The following NAV1 variants were observed in gnomAD, a reference collection of about 807,000 sequenced individuals.
NAV1 encodes neuron navigator 1.
A neutral mutation model predicts 175.2 loss-of-function variants in NAV1; 18 were observed. The observed-to-expected ratio is 0.10, with a 90% CI of 0.07 to 0.15. NAV1 has a LOEUF of 0.15. Among genes scored for constraint, NAV1 ranks in the 10% least tolerant of loss-of-function variants. The pLI, the probability that NAV1 is intolerant of heterozygous loss-of-function variation, is 1.00. For synonymous variants in NAV1, 897 were observed against 978.7 expected, an observed-to-expected ratio of 0.92 and a Z score of 1.56; for missense variants, 1,731 against 2,436.6, an observed-to-expected ratio of 0.71 and a Z score of 6.10.
intron 17 of NAV1, among the ~76,000 whole-genome samples, chr1:201,806,762 T>G (rs1678312154): frequency 1.3e-5 from 2 of 152,212 alleles, no homozygotes; most frequent in Admixed American, 1.3e-4. Flanking sequence ...GCCAGCCAGC[T>G]GCACACATAC....
chr1:201,653,986 C>T (rs1270593659), intron 1 of NAV1, among the ~76,000 whole-genome samples: 1 of 152,220 alleles, frequency 6.6e-6, no homozygotes, highest in African/African-American at 2.4e-5. Context: ...GGGCCCCCAC[C>T]CAGGTCATGT....
At chr1:201,648,964 A>G in exon 1 of NAV1, 1 of 1,612,998 alleles carries the variant, frequency 6.2e-7, no homozygotes, top group Non-Finnish European at 8.5e-7. Context: ...TTTCTCACGG[A>G]CTCCGAGAAA....
At chr1:201,697,257 A>G (rs1456395268) in intron 1 of NAV1, among the ~76,000 whole-genome samples, 3 of 152,110 alleles carry the variant, frequency 2.0e-5, no homozygotes, top group Non-Finnish European at 2.9e-5. Flanking sequence ...AGTGGTGGGC[A>G]GTAGAGGGGT....
chr1:201,714,872 C>T (rs1432230447), intron 2 of NAV1, among the ~76,000 whole-genome samples: 1 of 152,222 alleles, frequency 6.6e-6, no homozygotes, highest in African/African-American at 2.4e-5. Context: ...AGCCAGCCCC[C>T]AGTCCCTCCG....
chr1:201,819,941 C>T, exon 30 of NAV1: 2 of 1,613,550 alleles, frequency 1.2e-6, no homozygotes, highest in Non-Finnish European at 1.7e-6. Context: ...AAGGGTTCGG[C>T]AATCACTGTC....
chr1:201,622,944 G>A (rs936059570), exon 1 of NAV1: 2 of 986,280 alleles, frequency 2.0e-6, no homozygotes, highest in East Asian at 2.3e-4. Context: ...CCGCCATCCC[G>A]GTGCCTCGTG....
intron 1 of NAV1, among the ~76,000 whole-genome samples, chr1:201,679,225 A>G (rs1670375165): frequency 1.3e-5 from 2 of 152,028 alleles, no homozygotes; most frequent in South Asian, 4.2e-4. Flanking sequence ...CTCATTTACA[A>G]CTCATCTCCC....
chr1:201,804,426 T>C lies in NAV1; in HGVS notation c.3640-63T>C, dbSNP rs1349168413. On this transcript the variant is annotated intron_variant, in intron 16 of 29. Transcript: ENST00000367296. Reference sequence around the variant, plus strand: ...GTACCAGCTGTGTGAAATGAGTGATTAAGTGTTGATTCTTTTTTTTTTTCC... The same window carrying C: ...GTACCAGCTGTGTGAAATGAGTGATCAAGTGTTGATTCTTTTTTTTTTTCC... 12 of 1,489,472 alleles carry C rather than the reference T, an allele frequency of 8.1e-6. No individual in the cohort carries two copies. In the South Asian group the frequency reaches 1.1e-4, roughly 14 times the overall value. The allele number at this position is 1,489,472 out of a possible 1,614,324, so 92.3% of individuals were successfully genotyped here.
intron 3 of NAV1, among the ~76,000 whole-genome samples, chr1:201,748,373 C>T (rs935785024): frequency 6.6e-6 from 1 of 152,148 alleles, no homozygotes; most frequent in Non-Finnish European, 1.5e-5. Context: ...CCTGGCAAAG[C>T]TGTGCTCCTC....
chr1:201,642,541 C>T (rs1356712559), intron 2 of NAV1, among the ~76,000 whole-genome samples: 12 of 105,250 alleles, frequency 1.1e-4, no homozygotes, highest in African/African-American at 5.4e-4. Flanking sequence ...TTCTTTCTTT[C>T]TTTCTTTCTT....
chr1:201,679,292 G>A (rs2102395435), intron 1 of NAV1, among the ~76,000 whole-genome samples: 1 of 152,278 alleles, frequency 6.6e-6, no homozygotes, highest in African/African-American at 2.4e-5. Context: ...TTACCGGTGT[G>A]CATCTGGGAA....
chr1:201,778,869 A>T (rs906060680), intron 3 of NAV1, among the ~76,000 whole-genome samples: 11 of 152,226 alleles, frequency 7.2e-5, no homozygotes, highest in African/African-American at 2.4e-4. Context: ...AAAAAGAAAA[A>T]TTTTTTCAGA....
chr1:201,770,665 A>T (rs1571474988), intron 3 of NAV1, among the ~76,000 whole-genome samples: 1 of 152,144 alleles, frequency 6.6e-6, no homozygotes. Context: ...AGAGGAGCAA[A>T]CCCACCATAG....
intron 1 of NAV1, among the ~76,000 whole-genome samples, chr1:201,660,761 C>T (rs1040926206): frequency 5.9e-5 from 9 of 152,186 alleles, no homozygotes; most frequent in African/African-American, 1.9e-4. Context: ...AGATATTAAT[C>T]AAGGATCATA....
chr1:201,809,579 G>T, intron 22 of NAV1, 42 bp downstream of exon 26: 2 of 1,566,990 alleles, frequency 1.3e-6, no homozygotes, highest in South Asian at 2.3e-5. Flanking sequence ...TCATCCTCTC[G>T]TGGAATATAT....
chr1:201,597,816 C>A (rs1018410203), intron 2 of NAV1, among the ~76,000 whole-genome samples: 4 of 152,240 alleles, frequency 2.6e-5, no homozygotes, highest in African/African-American at 9.6e-5. Flanking sequence ...CCCGTGATGT[C>A]CTGGCCCAGT....
intron 1 of NAV1, among the ~76,000 whole-genome samples, chr1:201,585,594 T>C (rs1667002105): frequency 6.6e-6 from 1 of 152,014 alleles, no homozygotes; most frequent in Non-Finnish European, 1.5e-5. Context: ...GTGGAAAATA[T>C]AAAAAACTTC....
intron 1 of NAV1, among the ~76,000 whole-genome samples, chr1:201,682,211 G>A (rs1670494648): frequency 2.0e-5 from 3 of 151,632 alleles, no homozygotes; most frequent in Admixed American, 6.6e-5. Flanking sequence ...ACTTGAACCC[G>A]GGAGGCGGAG....
chr1:201,699,728 G>A (rs1430255098), intron 1 of NAV1, among the ~76,000 whole-genome samples: 4 of 152,134 alleles, frequency 2.6e-5, no homozygotes, highest in Non-Finnish European at 5.9e-5. Context: ...GCATGGTGCT[G>A]GTACCAAAAC....
Sources: gnomAD v4.1 joint callset for allele counts (sites outside exome capture counted in the v4.1 genomes callset) on GRCh38, gnomAD v4.1.1 for gene constraint, MANE v1.5 for transcripts, NCBI Gene and HGNC (gene_info 2026-07-23, HGNC 2026-07-21) for gene names.